Variants in STK38 observed in about 807,000 individuals in gnomAD.
The protein encoded by STK38 is serine/threonine kinase 38.
In STK38, 26 loss-of-function variants were observed where a neutral mutation model predicts 59.0. That is an observed-to-expected ratio of 0.44 (90% confidence interval 0.32 to 0.61). The LOEUF is 0.61. Ranked by LOEUF, STK38 falls within the 20% of genes least tolerant of loss-of-function variation. STK38 has a pLI of 0.04. For missense variants in STK38, 433 were observed against 566.0 expected, an observed-to-expected ratio of 0.76 and a Z score of 2.38; for synonymous variants, 175 against 176.6, an observed-to-expected ratio of 0.99 and a Z score of 0.07.
In STK38 at chr6:36,494,937, C is replaced by T. The variant is rs1357184620; in HGVS notation, c.*847G>A. On this transcript the variant is annotated 3_prime_UTR_variant, in exon 14 of 14. Transcript: ENST00000229812. ...GAATAAATTGAGTTCCCATTGGCAG[C>T]ACTTGCAGGTATTGCTAGTCCACGG... 1.8e-4 allele frequency: 27 copies of T among 152,252 alleles called. No homozygotes were observed. Among genetic ancestry groups the T allele is most frequent in the Admixed American group, 1.8e-3 (27 of 15,278 alleles). The allele number at this position is 152,252 out of a possible 1,614,324, so 9.4% of individuals were successfully genotyped here. A position where few individuals can be genotyped will look rare whatever the true frequency, so the allele number is the denominator to read the frequency against.
At chr6:36,528,002 G>A (rs762342068) in intron 2 of STK38, among the ~76,000 whole-genome samples, 6 of 151,784 alleles carry the variant, frequency 4.0e-5, no homozygotes, top group African/African-American at 1.2e-4. Flanking sequence ...CCAGCTACTC[G>A]GGAGGCTGAG....
chr6:36,546,400 T>C (rs772492514), intron 1 of STK38, among the ~76,000 whole-genome samples: 5 of 152,198 alleles, frequency 3.3e-5, no homozygotes, highest in Non-Finnish European at 7.3e-5. Context: ...GGTTGTTTTA[T>C]GTTTAGGGAA....
At chr6:36,527,240 ATACACATGTATACATATGTATATATG>A (rs1315856406) in intron 2 of STK38, among the ~76,000 whole-genome samples, 2 of 145,624 alleles carry the variant, frequency 1.4e-5, no homozygotes, top group East Asian at 2.0e-4. Flanking sequence ...TTATATGTAT[ATACACATGTATACATATGTATATATG>A]TACACATGTA....
Position 36,496,007 on chromosome 6 carries a change from GT to G in STK38, c.1268-94del. On this transcript the variant is annotated intron_variant, in intron 13 of 13. Transcript: ENST00000229812. ...AGACAGGACTATGAAGAACACACCAGTTTCTATTTGGGAAAGCTTATTTTTC... is the reference window on the plus strand; with the variant it reads ...AGACAGGACTATGAAGAACACACCAGTTCTATTTGGGAAAGCTTATTTTTC... The G allele has an allele frequency of 3.3e-6, 4 of 1,222,110 alleles. No individual in the cohort carries two copies. In the South Asian group the frequency reaches 5.8e-5, roughly 18 times the overall value. 75.7% of individuals were successfully genotyped at this position (1,222,110 alleles called of 1,614,324 possible). A position where few individuals can be genotyped will look rare whatever the true frequency, so the allele number is the denominator to read the frequency against.
intron 2 of STK38, among the ~76,000 whole-genome samples, chr6:36,527,524 G>A (rs915785615): frequency 6.6e-6 from 1 of 151,146 alleles, no homozygotes; most frequent in Admixed American, 6.6e-5. Context: ...GTGCACTCCA[G>A]CTCAGATGTC....
At chr6:36,543,435 A>G (rs1777988616) in intron 1 of STK38, among the ~76,000 whole-genome samples, 1 of 151,972 alleles carries the variant, frequency 6.6e-6, no homozygotes. Context: ...TCTTCATCCC[A>G]ATATAAAGCT....
chr6:36,513,848 T>TTAAA (rs1777175191), intron 7 of STK38, among the ~76,000 whole-genome samples: 1 of 63,886 alleles, frequency 1.6e-5, no homozygotes, highest in African/African-American at 6.7e-5. Flanking sequence ...TACTAAAAAT[T>TTAAA]AAAAAAAAAA....
chr6:36,532,083 A>G (rs3822970), intron 2 of STK38, among the ~76,000 whole-genome samples: 42,307 of 151,958 alleles, frequency 0.28, 6,825 homozygotes, highest in African/African-American at 0.44. Context: ...ATTATCAATT[A>G]TCTCATATCA....
intron 10 of STK38, among the ~76,000 whole-genome samples, chr6:36,499,134 G>A (rs539136130): frequency 6.6e-6 from 1 of 152,152 alleles, no homozygotes; most frequent in African/African-American, 2.4e-5. Flanking sequence ...GCCCAAAGAA[G>A]AAATGAAAGG....
At chr6:36,508,546 A>G (rs1388141703) in intron 7 of STK38, among the ~76,000 whole-genome samples, 1 of 152,228 alleles carries the variant, frequency 6.6e-6, no homozygotes, top group African/African-American at 2.4e-5. Context: ...GGGAATAAAT[A>G]TTATTGGATA....
At chr6:36,539,648 G>A (rs1465620837) in intron 2 of STK38, among the ~76,000 whole-genome samples, 1 of 151,816 alleles carries the variant, frequency 6.6e-6, no homozygotes, top group Non-Finnish European at 1.5e-5. Context: ...GCTATTCAAT[G>A]AAACTGGCAG....
At position 36,515,430 on chromosome 6, in the gene STK38, T is replaced by C. The variant is rs759222962; in HGVS notation, c.577A>G (p.Ile193Val). The change falls in exon 7 of 14, where the codon ATA becomes GTA. Residue 193 changes from isoleucine to valine, a missense_variant. This residue lies in a region of STK38 where 293 missense variants were observed against 388.2 expected (regional missense o/e 0.75). Transcript: ENST00000229812. ...TLTEEETQFY[I>V]AETVLAIDSI... ...TCTATGGCTAATACTGTTTCTGCTA[T>C]ATAAAACTGAGTCTCCTCTTCTGTC... is the stretch of plus-strand genomic sequence containing the variant. 3.7e-6 allele frequency: 6 copies of C among 1,614,086 alleles called. No individual in the cohort carries two copies. The highest frequency in any genetic ancestry group is 5.1e-6 in the Non-Finnish European group (6 of 1,180,032).
At chr6:36,535,542 T>C (rs887791499) in intron 2 of STK38, among the ~76,000 whole-genome samples, 1 of 152,050 alleles carries the variant, frequency 6.6e-6, no homozygotes. Context: ...TGTTAAGATG[T>C]CGATTCTCCA....
Position 36,497,827 on chromosome 6 carries a change from T to C in STK38, c.1125A>G (p.Glu375=). The change falls in exon 12 of 14, where the codon GAA becomes GAG. Residue 375 remains glutamate, a synonymous_variant. Coordinates refer to ENST00000229812, the MANE Select transcript of STK38 (RefSeq NM_007271.4). ...CTTCAAAAAAAGAGTTACTTTTTAT[T>C]TCCTCAACTCCAGGAGCTCCAATTC... The part of the protein sequence containing the change: ...EHRIGAPGVE[E]IKSNSFFEGV... 1 of 1,613,988 alleles carries C rather than the reference T, an allele frequency of 6.2e-7. No homozygotes were observed. Among genetic ancestry groups the C allele is most frequent in the Non-Finnish European group, 8.5e-7 (1 of 1,180,006 alleles).
chr6:36,524,200 A>G, intron 4 of STK38, 141 bp downstream of exon 4: 1 of 960,158 alleles, frequency 1.0e-6, no homozygotes, highest in Non-Finnish European at 1.5e-6. Context: ...AGACAGACAA[A>G]GCAATTAGGA....
intron 1 of STK38, among the ~76,000 whole-genome samples, chr6:36,545,908 A>G (rs1778043810): frequency 6.6e-6 from 1 of 152,228 alleles, no homozygotes. Context: ...CCATTATGTG[A>G]TTCAATCTAT....
intron 7 of STK38, among the ~76,000 whole-genome samples, chr6:36,511,978 G>C (rs1357722166): frequency 6.6e-6 from 1 of 152,088 alleles, no homozygotes; most frequent in Non-Finnish European, 1.5e-5. Context: ...AGAATTGCTT[G>C]AAACTGGGAG....
At chr6:36,523,265 G>T (rs4713982) in intron 4 of STK38, among the ~76,000 whole-genome samples, 10,853 of 113,490 alleles carry the variant, frequency 0.096, 565 homozygotes, top group Admixed American at 0.13. Context: ...CAGGTTTTTT[G>T]TTTTTTTTTT....
At chr6:36,517,389 G>C (rs1377623473) in intron 6 of STK38, among the ~76,000 whole-genome samples, 1 of 152,048 alleles carries the variant, frequency 6.6e-6, no homozygotes, top group Admixed American at 6.5e-5. Context: ...TTGTCACTTG[G>C]GTTATTGATC....
Sources: gnomAD v4.1 joint callset for allele counts (sites outside exome capture counted in the v4.1 genomes callset) on GRCh38, gnomAD v4.1.1 for gene constraint, gnomAD v4.1.1 regional missense constraint, MANE v1.5 for transcripts, NCBI Gene and HGNC (gene_info 2026-07-23, HGNC 2026-07-21) for gene names.